SIRPA: variants seen among roughly 807,000 people sequenced by gnomAD.
SIRPA encodes tyrosine-protein phosphatase non-receptor type substrate 1.
Under a neutral mutation model 50.3 loss-of-function variants are expected in SIRPA, and 9 were observed. The ratio of observed to expected loss-of-function variants is 0.18; its 90% CI spans 0.11 to 0.31. The LOEUF is 0.31. Ranked by LOEUF, SIRPA falls within the 10% of genes least tolerant of loss-of-function variation. The pLI is 1.00. For synonymous variants in SIRPA, 265 were observed against 284.1 expected (o/e 0.93, Z 0.68); for missense variants, 474 against 661.6 (o/e 0.72, Z 3.11).
intron 6 of SIRPA, among the ~76,000 whole-genome samples, chr20:1,929,477 G>C (rs935659072): frequency 1.3e-5 from 2 of 152,156 alleles, no homozygotes; most frequent in African/African-American, 4.8e-5. Context: ...GTGATGGGTG[G>C]AGTGATGGGG....
rs181495285 is a variant in SIRPA, at chr20:1,909,707, G to A, written c.80-5392G>A. 2.0e-3 allele frequency among the ~76,000 whole-genome samples: 308 copies of A among 152,290 alleles called. 3 individuals carry two copies. The Middle Eastern group carries it at 0.031, about 15-fold the overall frequency. ...TGAGGCAGGAGAATTGCTTGAACCC[G>A]GGAGGTGGAGGTTGCAGTGAGCCGA... On this transcript the variant is annotated intron_variant, in intron 1 of 7. Transcript: ENST00000358771.
At chr20:1,902,661 G>A (rs1568493966) in intron 1 of SIRPA, among the ~76,000 whole-genome samples, 1 of 152,134 alleles carries the variant, frequency 6.6e-6, no homozygotes, top group African/African-American at 2.4e-5. Context: ...GGAGGGAAGG[G>A]AGAAGGTTAG....
Position 1,924,597 on chromosome 20 carries a change from A to G in SIRPA, c.1088-167A>G, listed in dbSNP as rs541833752. Among the ~76,000 whole-genome samples, 10 of 152,312 alleles carry G rather than the reference A, an allele frequency of 6.6e-5. No individual in the cohort carries two copies. In the South Asian group the frequency reaches 1.9e-3, roughly 28 times the overall value. On this transcript the variant is annotated intron_variant, in intron 4 of 7. Coordinates refer to ENST00000358771, the MANE Select transcript of SIRPA (RefSeq NM_001040023.2). This position sits in a 1 kb window ranked among gnomAD's most constrained non-coding sequence, Gnocchi z 4.5. ...CTGTTCATGGATGAGTCTCGTGGGC[A>G]AGTGTGTACAGACCCATGAGTGTGC...
At position 1,924,724 on chromosome 20, in the gene SIRPA, A is replaced by T; in HGVS notation, c.1088-40A>T. 1 of 1,556,632 alleles carries T rather than the reference A, an allele frequency of 6.4e-7. No individual in the cohort carries two copies. The highest frequency in any genetic ancestry group is 8.9e-7 in the Non-Finnish European group (1 of 1,129,164). On this transcript the variant is annotated intron_variant, in intron 4 of 7. Transcript: ENST00000358771. The surrounding 1 kb of genome is among the most constrained non-coding windows in gnomAD (Gnocchi z 4.5). ...GTGGTGGGTTTGGTTTTCTGTTTTT[A>T]ATCTGCATACGTGAAGCCTCTATTC...
intron 1 of SIRPA, among the ~76,000 whole-genome samples, chr20:1,903,203 C>G (rs927165710): frequency 6.6e-6 from 1 of 151,948 alleles, no homozygotes; most frequent in Non-Finnish European, 1.5e-5. Flanking sequence ...GGGGAGTGAG[C>G]AGAGGTCAGG....
chr20:1,895,283 C>CGCGGCG (rs926889796), upstream of SIRPA: 1 of 440,952 alleles, frequency 2.3e-6, no homozygotes, highest in Non-Finnish European at 3.9e-6. Context: ...CTCCAAAAAC[C>CGCGGCG]GCGGCGGCGG....
intron 6 of SIRPA, among the ~76,000 whole-genome samples, chr20:1,931,297 C>T (rs549529802): frequency 2.0e-5 from 3 of 152,278 alleles, no homozygotes; most frequent in South Asian, 4.1e-4. Flanking sequence ...TATTCCCTAT[C>T]CTATGGTTGA....
intron 1 of SIRPA, 72 bp downstream of exon 1, chr20:1,895,598 G>T: frequency 8.4e-7 from 1 of 1,187,362 alleles, no homozygotes; most frequent in Non-Finnish European, 1.1e-6. Context: ...CTGGCACTGG[G>T]ACCCCTTCGG....
intron 1 of SIRPA, among the ~76,000 whole-genome samples, chr20:1,900,259 C>T (rs939169762): frequency 3.5e-4 from 53 of 151,978 alleles, no homozygotes; most frequent in African/African-American, 1.2e-3. Flanking sequence ...CGCCACCATG[C>T]CTGGCTGATT....
chr20:1,905,055 A>C (rs913455685), intron 1 of SIRPA, among the ~76,000 whole-genome samples: 1 of 152,212 alleles, frequency 6.6e-6, no homozygotes, highest in Non-Finnish European at 1.5e-5. Flanking sequence ...GTTGAGGGTT[A>C]AGGAATTAAG....
At chr20:1,929,339 A>C (rs1342338957) in intron 6 of SIRPA, among the ~76,000 whole-genome samples, 2 of 152,074 alleles carry the variant, frequency 1.3e-5, no homozygotes, top group East Asian at 1.9e-4. Flanking sequence ...TGGGCTGAGA[A>C]GTGCTCAGAT....
chr20:1,915,841 G>A (rs1985252412), intron 2 of SIRPA, among the ~76,000 whole-genome samples: 1 of 152,212 alleles, frequency 6.6e-6, no homozygotes, highest in African/African-American at 2.4e-5. Flanking sequence ...TCCTCTATGT[G>A]ACAGGCACTC....
At position 1,898,038 on chromosome 20, in the gene SIRPA, C is replaced by T. The variant is rs1600386389; in HGVS notation, c.79+2512C>T. Among the ~76,000 whole-genome samples, 1 of 152,302 alleles carries T rather than the reference C, an allele frequency of 6.6e-6. No homozygotes were observed. Among genetic ancestry groups the T allele is most frequent in the East Asian group, 1.9e-4 (1 of 5,166 alleles). On this transcript the variant is annotated intron_variant, in intron 1 of 7. Transcript: ENST00000358771. This position sits in a 1 kb window ranked among gnomAD's most constrained non-coding sequence, Gnocchi z 4.3. ...GGATGCCTGCTTGGCCCCAGGTAGG[C>T]CTTGAGACCTCTGAGTCACCCCCCA... is the stretch of plus-strand genomic sequence containing the variant.
chr20:1,897,386 T>G (rs1196790787), intron 1 of SIRPA, among the ~76,000 whole-genome samples: 1 of 152,230 alleles, frequency 6.6e-6, no homozygotes, highest in Non-Finnish European at 1.5e-5. Flanking sequence ...GCGACCATCA[T>G]AGCTCAAGTC....
chr20:1,927,979 C>G lies in SIRPA; in HGVS notation c.1226+80C>G. On this transcript the variant is annotated intron_variant, in intron 6 of 7. Coordinates refer to ENST00000358771, the MANE Select transcript of SIRPA (RefSeq NM_001040023.2). This position sits in a 1 kb window ranked among gnomAD's most constrained non-coding sequence, Gnocchi z 6.5. ...GCCCCCCAGACTACAAAGCATAATCCATGTCCACTGACCTCACCAATGTGT... is the reference window on the plus strand; with the variant it reads ...GCCCCCCAGACTACAAAGCATAATCGATGTCCACTGACCTCACCAATGTGT... The G allele has an allele frequency of 3.3e-6, 4 of 1,206,102 alleles. No individual in the cohort carries two copies. The highest frequency in any genetic ancestry group is 3.7e-6 in the Non-Finnish European group (3 of 807,558). 74.7% of individuals were successfully genotyped at this position (1,206,102 alleles called of 1,614,324 possible). A position where few individuals can be genotyped will look rare whatever the true frequency, so the allele number is the denominator to read the frequency against.
At chr20:1,908,351 C>G (rs950056300) in intron 1 of SIRPA, among the ~76,000 whole-genome samples, 2 of 151,916 alleles carry the variant, frequency 1.3e-5, no homozygotes, top group Admixed American at 6.6e-5. Flanking sequence ...ACGTGCCACC[C>G]CCCACACACA....
rs183697173 is a variant in SIRPA, at chr20:1,927,052, C to A, written c.1202-823C>A. ...TCAGCCTCCACTCAGACTTTCGGTG[C>A]TGAGCACAGCTTCCAACTGGTACAC... On this transcript the variant is annotated intron_variant, in intron 5 of 7. Transcript: ENST00000358771. The surrounding 1 kb of genome is among the most constrained non-coding windows in gnomAD (Gnocchi z 6.5). 3.1e-4 allele frequency among the ~76,000 whole-genome samples: 47 copies of A among 152,324 alleles called. No homozygotes were observed. Among genetic ancestry groups the A allele is most frequent in the African/African-American group, 9.4e-4 (39 of 41,578 alleles).
rs377660136 is a variant in SIRPA, at chr20:1,939,709, A to G, written c.*2141A>G. 8 of 152,808 alleles carry G rather than the reference A, an allele frequency of 5.2e-5. No homozygotes were observed. In the South Asian group the frequency reaches 1.7e-3, roughly 32 times the overall value. The allele number at this position is 152,808 out of a possible 1,614,324, so 9.5% of individuals were successfully genotyped here. A position where few individuals can be genotyped will look rare whatever the true frequency, so the allele number is the denominator to read the frequency against. On this transcript the variant is annotated 3_prime_UTR_variant, in exon 8 of 8. Coordinates refer to ENST00000358771, the MANE Select transcript of SIRPA (RefSeq NM_001040023.2). The surrounding 1 kb of genome is among the most constrained non-coding windows in gnomAD (Gnocchi z 4.7). ...TTTAGCCTGGCAACCTGGAGAATCC[A>G]CATACCTTGTGTATTGAACCCCAGG... is the stretch of plus-strand genomic sequence containing the variant.
At chr20:1,895,325 C>CG (rs2122923719), upstream of SIRPA, 3 of 456,534 alleles carry the variant, frequency 6.6e-6, no homozygotes, top group Non-Finnish European at 9.2e-6. Context: ...GTTCCGGAGT[C>CG]GGGGGGAGGC....
Sources: allele counts gnomAD v4.1 joint callset (sites outside exome capture counted in the v4.1 genomes callset), GRCh38; gene constraint gnomAD v4.1.1; non-coding constraint Gnocchi (gnomAD v3.1); transcripts MANE v1.5; gene names NCBI Gene and HGNC (gene_info 2026-07-23, HGNC 2026-07-21).